Variants in DYNC1LI2 observed in about 807,000 individuals in gnomAD.
DYNC1LI2 encodes dynein cytoplasmic 1 light intermediate chain 2.
Under a neutral mutation model 57.8 loss-of-function variants are expected in DYNC1LI2, and 19 were observed. The ratio of observed to expected loss-of-function variants is 0.33; its 90% CI spans 0.23 to 0.48. The LOEUF is 0.48. Among genes scored for constraint, DYNC1LI2 ranks in the 20% least tolerant of loss-of-function variants. The pLI is 0.99. For missense variants in DYNC1LI2, 470 were observed against 604.2 expected, an observed-to-expected ratio of 0.78 and a Z score of 2.33; for synonymous variants, 256 against 233.4, an observed-to-expected ratio of 1.10 and a Z score of -0.88.
chr16:66,727,859 C>T (rs1057503005), intron 10 of DYNC1LI2, 54 bp from the exon 11 acceptor site: 40 of 1,440,308 alleles, frequency 2.8e-5, no homozygotes, highest in Admixed American at 3.7e-5. Flanking sequence ...ACAAAAAATA[C>T]ATATGCCACA....
rs962898608 is a variant in DYNC1LI2 at position 66,732,598 on chromosome 16, T to G, written c.794-124A>C. On this transcript the variant is annotated intron_variant, in intron 6 of 12. Coordinates refer to ENST00000258198, the MANE Select transcript of DYNC1LI2 (RefSeq NM_006141.3). ...ATCAATATATGAGCAACAGAAAGCATTACAATTTTAAAAACTAAAACGCTT... is the reference window on the plus strand; with the variant it reads ...ATCAATATATGAGCAACAGAAAGCAGTACAATTTTAAAAACTAAAACGCTT... The G allele has an allele frequency of 1.0e-5, 11 of 1,070,674 alleles. No homozygotes were observed. The East Asian group carries it at 3.1e-4, about 30-fold the overall frequency. 66.3% of individuals were successfully genotyped at this position (1,070,674 alleles called of 1,614,324 possible).
rs1426972324 is a variant in DYNC1LI2, at chr16:66,751,040, G to C, written c.181+233C>G. 6.6e-6 allele frequency among the ~76,000 whole-genome samples: 1 copy of C among 152,204 alleles called. No homozygotes were observed. Among genetic ancestry groups the C allele is most frequent in the African/African-American group, 2.4e-5 (1 of 41,454 alleles). On this transcript the variant is annotated intron_variant, in intron 2 of 12. Coordinates refer to ENST00000258198, the MANE Select transcript of DYNC1LI2 (RefSeq NM_006141.3). The surrounding 1 kb of genome is among the most constrained non-coding windows in gnomAD (Gnocchi z 5.2). ...TGAAGGCATAGAGGGCCAAGTGACT[G>C]AAACAATATGCCGACAACCCCAAAG...
At chr16:66,749,425 T>G in intron 2 of DYNC1LI2, 112 bp from the exon 3 acceptor site, 1 of 1,075,166 alleles carries the variant, frequency 9.3e-7, no homozygotes, top group Non-Finnish European at 1.4e-6. Context: ...AAGTCTGCTG[T>G]TGAAGTCTCA....
chr16:66,740,215 G>A (rs944147918), intron 4 of DYNC1LI2, among the ~76,000 whole-genome samples: 1 of 152,106 alleles, frequency 6.6e-6, no homozygotes, highest in Non-Finnish European at 1.5e-5. Flanking sequence ...CAAAACCACT[G>A]GGAACCTAAC....
rs1380690505 is a variant in DYNC1LI2, at chr16:66,751,578, C to G, written c.14G>C (p.Gly5Ala). 1.3e-6 allele frequency: 2 copies of G among 1,577,668 alleles called. No homozygotes were observed. MAPV[G>A]VEKKLLLGPN... is the part of the protein sequence containing the mutation. Reference sequence around the variant, plus strand: ...ACCTAGCAGCAGCTTCTTCTCCACCCCCACCGGCGCCATCTTGCCAACTGC... The same window carrying G: ...ACCTAGCAGCAGCTTCTTCTCCACCGCCACCGGCGCCATCTTGCCAACTGC... Residue 5 changes from glycine (G) to alanine (A), a missense_variant, in exon 1 of 13, where the codon GGG becomes GCG. Transcript: ENST00000258198. The surrounding 1 kb of genome is among the most constrained non-coding windows in gnomAD (Gnocchi z 5.2).
At chr16:66,737,353 G>C (rs2017752680) in intron 4 of DYNC1LI2, among the ~76,000 whole-genome samples, 1 of 151,998 alleles carries the variant, frequency 6.6e-6, no homozygotes, top group South Asian at 2.1e-4. Context: ...GTGAAACCCT[G>C]TCTCTGCTAA....
intron 6 of DYNC1LI2, chr16:66,733,915 A>G (rs1567451559): frequency 3.1e-6 from 1 of 317,970 alleles, no homozygotes; most frequent in Non-Finnish European, 5.9e-6. Context: ...TAATCCCAGC[A>G]CTTTCGGAGG....
intron 5 of DYNC1LI2, among the ~76,000 whole-genome samples, chr16:66,735,816 A>T (rs921831385): frequency 1.3e-5 from 2 of 152,150 alleles, no homozygotes; most frequent in Non-Finnish European, 2.9e-5. Context: ...AACTGCTGTG[A>T]GTTCTAAGTT....
At chr16:66,723,952 A>C (rs1234184381) in intron 12 of DYNC1LI2, 130 bp from the exon 13 acceptor site, 2 of 775,500 alleles carry the variant, frequency 2.6e-6, no homozygotes, top group Non-Finnish European at 4.0e-6. Flanking sequence ...AAGAATGAGG[A>C]AAGCCCTTTT....
rs1185264030 is a variant in DYNC1LI2, at chr16:66,736,132, C to T, written c.642G>A (p.Leu214=). 5 of 1,614,102 alleles carry T rather than the reference C, an allele frequency of 3.1e-6. No individual in the cohort carries two copies. In the South Asian group the frequency reaches 3.3e-5, roughly 11 times the overall value. Reference sequence around the variant, plus strand: ...GGTTATGAGTCAGCACATTGTCACCCAGAGGCAGGGCAACATTTTCTTCAT... The same window carrying T: ...GGTTATGAGTCAGCACATTGTCACCTAGAGGCAGGGCAACATTTTCTTCAT... ...GSDEENVALP[L]GDNVLTHNLG... The change falls in exon 5 of 13, where the codon CTG becomes CTA. Residue 214 remains leucine, a synonymous_variant. Coordinates refer to ENST00000258198, the MANE Select transcript of DYNC1LI2 (RefSeq NM_006141.3).
At chr16:66,729,123 T>G (rs1433543431) in intron 8 of DYNC1LI2, 24 bp from the exon 9 acceptor site, 1 of 1,613,854 alleles carries the variant, frequency 6.2e-7, no homozygotes, top group South Asian at 1.1e-5. Flanking sequence ...TACATGTTTG[T>G]GGCCACAGGC....
intron 7 of DYNC1LI2, chr16:66,731,789 T>G (rs1408871401): frequency 6.6e-6 from 1 of 152,430 alleles, no homozygotes; most frequent in East Asian, 1.9e-4. Context: ...GCTTCATATT[T>G]ATGCATCCAG....
intron 3 of DYNC1LI2, among the ~76,000 whole-genome samples, chr16:66,746,555 A>G (rs1375394211): frequency 6.6e-6 from 1 of 152,238 alleles, no homozygotes. Flanking sequence ...GGTAACTTTA[A>G]AAAAATCTGT....
chr16:66,725,686 C>T (rs944322490), intron 12 of DYNC1LI2, 142 bp downstream of exon 12: 12 of 778,844 alleles, frequency 1.5e-5, no homozygotes, highest in Non-Finnish European at 2.3e-5. Context: ...AAGCACGGCA[C>T]ACTGCTCAGT....
intron 11 of DYNC1LI2, 33 bp from the exon 12 acceptor site, chr16:66,725,977 T>G (rs1422976916): frequency 3.8e-6 from 6 of 1,599,700 alleles, no homozygotes; most frequent in African/African-American, 1.4e-5. Context: ...AAAAGCATCA[T>G]ATAAACTGGA....
At chr16:66,747,930 C>CA (rs1351289404) in intron 3 of DYNC1LI2, among the ~76,000 whole-genome samples, 2 of 151,832 alleles carry the variant, frequency 1.3e-5, no homozygotes, top group African/African-American at 2.4e-5. Context: ...ACTTTTCTAC[C>CA]AAAAAAACCA....
chr16:66,751,244 T>C lies in DYNC1LI2; in HGVS notation c.181+29A>G. 1.9e-6 allele frequency: 3 copies of C among 1,606,794 alleles called. No homozygotes were observed. In the East Asian group the frequency reaches 6.7e-5, roughly 36 times the overall value. On this transcript the variant is annotated intron_variant, in intron 2 of 12. Transcript: ENST00000258198. The surrounding 1 kb of genome is among the most constrained non-coding windows in gnomAD (Gnocchi z 5.2). Reference sequence around the variant, plus strand: ...GCCCGCCTCGCCCACCCCAGCGACCTGGGGCAACGCCCCGCCGCCGGCGCT... The same window carrying C: ...GCCCGCCTCGCCCACCCCAGCGACCCGGGGCAACGCCCCGCCGCCGGCGCT...
chr16:66,735,906 C>T (rs1043600290), intron 5 of DYNC1LI2, among the ~76,000 whole-genome samples, 169 bp downstream of exon 5: 49 of 152,178 alleles, frequency 3.2e-4, no homozygotes, highest in Admixed American at 7.2e-4. Flanking sequence ...ATTTAAACTT[C>T]CAATTTACAT....
At position 66,734,163 on chromosome 16, in the gene DYNC1LI2, G is replaced by C. The variant is rs2017687571; in HGVS notation, c.793+55C>G. 3.2e-6 allele frequency: 5 copies of C among 1,546,136 alleles called. 1 individual carries two copies. The Middle Eastern group carries it at 5.5e-4, about 170-fold the overall frequency. On this transcript the variant is annotated intron_variant, in intron 6 of 12. Transcript: ENST00000258198. Reference sequence around the variant, plus strand: ...GGAGGTGCTTTATCTCTTTGAAGATGCCCCATTTGGAAGAAAGCCTGTGAC... The same window carrying C: ...GGAGGTGCTTTATCTCTTTGAAGATCCCCCATTTGGAAGAAAGCCTGTGAC...
Sources: gnomAD v4.1 joint callset for allele counts (sites outside exome capture counted in the v4.1 genomes callset) on GRCh38, gnomAD v4.1.1 for gene constraint, Gnocchi (gnomAD v3.1) non-coding constraint, MANE v1.5 for transcripts, NCBI Gene and HGNC (gene_info 2026-07-23, HGNC 2026-07-21) for gene names.